DNAI3: variants seen among roughly 807,000 people sequenced by gnomAD.
DNAI3 encodes the protein WD repeat domain 63.
A neutral mutation model predicts 115.5 loss-of-function variants in DNAI3; 83 were observed. That is an observed-to-expected ratio of 0.72 (90% CI 0.60 to 0.86). DNAI3 has a LOEUF of 0.86. Ranked by LOEUF, DNAI3 falls within the 40% of genes least tolerant of loss-of-function variation. The pLI is 0.00. For synonymous variants in DNAI3, 320 were observed against 347.0 expected, an observed-to-expected ratio of 0.92 and a Z score of 0.86; for missense variants, 1,004 against 1,075.8, an observed-to-expected ratio of 0.93 and a Z score of 0.93.
At position 85,104,600 on chromosome 1, in the gene DNAI3, A is replaced by G; in HGVS notation, c.1553+3A>G. 6.2e-7 allele frequency: 1 copy of G among 1,613,302 alleles called. No individual in the cohort carries two copies. The highest frequency in any genetic ancestry group is 8.5e-7 in the Non-Finnish European group (1 of 1,179,450). ...CTTGTCACATGTTCAGCAGATTGGT[A>G]AGTCTTGTTTCAAACATTTCCTAAT... On this transcript the variant is annotated splice_donor_region_variant and intron_variant, in intron 14 of 22. Transcript: ENST00000294664.
intron 14 of DNAI3, among the ~76,000 whole-genome samples, chr1:85,106,068 A>G (rs1008731653): frequency 6.6e-6 from 1 of 152,112 alleles, no homozygotes; most frequent in African/African-American, 2.4e-5. Context: ...TGAACCCAGG[A>G]GGCGGAGGTT....
rs1246138892 is a variant in DNAI3, at chr1:85,124,216, G to A, written c.2077G>A (p.Gly693Ser). ...CAACGACATTATTCTCACGGTTGGA[G>A]GTTGGAACGTGGCCATATGGAAAGA... ...FYNDIILTVG[G>S]WNVAIWKEGV... The change falls in exon 19 of 23, where the codon GGT becomes AGT. Residue 693 changes from glycine to serine, a missense_variant. Coordinates refer to ENST00000294664, the MANE Select transcript of DNAI3 (RefSeq NM_145172.5). 1.2e-6 allele frequency: 2 copies of A among 1,613,104 alleles called. No homozygotes were observed. The highest frequency in any genetic ancestry group is 2.2e-5 in the East Asian group (1 of 44,806).
At chr1:85,063,256 A>C (rs566257374) in intron 1 of DNAI3, among the ~76,000 whole-genome samples, 11 of 147,294 alleles carry the variant, frequency 7.5e-5, no homozygotes, top group African/African-American at 2.7e-4. Context: ...TTGGGGGAAA[A>C]GTTCATAATT....
At chr1:85,073,765 T>A (rs1026241244) in intron 3 of DNAI3, among the ~76,000 whole-genome samples, 1 of 152,210 alleles carries the variant, frequency 6.6e-6, no homozygotes, top group Non-Finnish European at 1.5e-5. Context: ...CCATCTGACA[T>A]GTTTTTAAAG....
chr1:85,094,089 G>A (rs979793356), intron 9 of DNAI3: 1 of 406,362 alleles, frequency 2.5e-6, no homozygotes, highest in Non-Finnish European at 4.7e-6. Flanking sequence ...AACATGGAAA[G>A]AGAGAGGTAT....
chr1:85,078,823 T>C (rs1654541319), intron 3 of DNAI3, among the ~76,000 whole-genome samples: 1 of 152,260 alleles, frequency 6.6e-6, no homozygotes, highest in Non-Finnish European at 1.5e-5. Context: ...AACAGTCCAC[T>C]AGTTTTACTG....
chr1:85,119,689 T>C (rs1000243096), intron 17 of DNAI3, among the ~76,000 whole-genome samples: 1 of 151,938 alleles, frequency 6.6e-6, no homozygotes, highest in African/African-American at 2.4e-5. Context: ...CTCTGTTTTT[T>C]CCTTTTTTCT....
At chr1:85,068,252 G>T (rs1654158008) in intron 1 of DNAI3, among the ~76,000 whole-genome samples, 1 of 152,020 alleles carries the variant, frequency 6.6e-6, no homozygotes, top group African/African-American at 2.4e-5. Flanking sequence ...TATACCTTCA[G>T]TTGAACTCCT....
At chr1:85,096,524 T>TTA (rs5775818) in intron 11 of DNAI3, among the ~76,000 whole-genome samples, 1 of 102,498 alleles carries the variant, frequency 9.8e-6, no homozygotes, top group African/African-American at 4.7e-5. Flanking sequence ...TATATAAAGA[T>TTA]TATATATATA....
At chr1:85,072,954 CA>C (rs35956778) in intron 2 of DNAI3, 99 bp from the exon 3 acceptor site, 10,186 of 403,238 alleles carry the variant, frequency 0.025, 3 homozygotes, top group Middle Eastern at 0.049. Context: ...GACTCCGTCT[CA>C]AAAAAAAAAA....
At chr1:85,063,325 G>A in intron 1 of DNAI3, among the ~76,000 whole-genome samples, 1 of 152,084 alleles carries the variant, frequency 6.6e-6, no homozygotes, top group African/African-American at 2.4e-5. Flanking sequence ...GTGTGGACCA[G>A]GAGCAGCAGG....
rs757372455 is a variant in DNAI3, at chr1:85,130,026, A to C, written c.2446A>C (p.Lys816Gln). The C allele has an allele frequency of 1.2e-6, 2 of 1,613,462 alleles. No individual in the cohort carries two copies. Among genetic ancestry groups the C allele is most frequent in the Admixed American group, 3.3e-5 (2 of 59,958 alleles). The change falls in exon 22 of 23, where the codon AAG becomes CAG. Residue 816 changes from lysine to glutamine, a missense_variant. By Grantham distance (53) the Lys-to-Gln change is moderately conservative. Transcript: ENST00000294664. The part of the protein sequence containing the change: ...SVNHYFEREV[K>Q]HLEYVEQRKK... ...CAACCACTATTTTGAAAGAGAAGTC[A>C]AGCATCTGGAATACGTAGAACAGCG...
Position 85,126,548 on chromosome 1 carries a change from G to C in DNAI3, c.2150G>C (p.Arg717Thr), listed in dbSNP as rs780164193. 2 of 1,614,004 alleles carry C rather than the reference G, an allele frequency of 1.2e-6. No homozygotes were observed. Among genetic ancestry groups the C allele is most frequent in the South Asian group, 1.1e-5 (1 of 91,078 alleles). Reference protein sequence around the residue: ...PLLQSCCAPKRYTSGHWSLTR... With the variant: ...PLLQSCCAPKTYTSGHWSLTR... ...CTTCAGTCATGCTGTGCACCAAAAAGGTACACCTCAGGCCACTGGTCCCTG... is the reference window on the plus strand; with the variant it reads ...CTTCAGTCATGCTGTGCACCAAAAACGTACACCTCAGGCCACTGGTCCCTG... Residue 717 changes from arginine to threonine, a missense_variant, in exon 20 of 23, where the codon AGG (arginine) becomes ACG (threonine). By Grantham distance (71) the Arg-to-Thr change is moderately conservative. Coordinates refer to ENST00000294664, the MANE Select transcript of DNAI3 (RefSeq NM_145172.5).
intron 18 of DNAI3, among the ~76,000 whole-genome samples, chr1:85,123,559 T>C (rs1355245336): frequency 6.6e-6 from 1 of 152,236 alleles, no homozygotes; most frequent in Non-Finnish European, 1.5e-5. Flanking sequence ...AATCTTCCCA[T>C]GTTGAGCTGC....
intron 10 of DNAI3, 110 bp downstream of exon 10, chr1:85,094,665 AT>A: frequency 7.5e-7 from 1 of 1,334,470 alleles, no homozygotes; most frequent in Non-Finnish European, 1.0e-6. Flanking sequence ...TGTTGTAAAC[AT>A]TTATAAAGTT....
intron 1 of DNAI3, among the ~76,000 whole-genome samples, chr1:85,070,689 C>G (rs908546002): frequency 2.0e-5 from 3 of 152,106 alleles, no homozygotes; most frequent in African/African-American, 7.2e-5. Context: ...CTGATTTGAC[C>G]ATTATACATT....
rs1325695311 is a variant in DNAI3, at chr1:85,130,003, A to G, written c.2423A>G (p.Asn808Ser). The change falls in exon 22 of 23, where the codon AAC becomes AGC. Residue 808 changes from asparagine to serine, a missense_variant. Transcript: ENST00000294664. ...TGTTTCTAACAGATGGCAAGTGTCA[A>G]CCACTATTTTGAAAGAGAAGTCAAG... ...RPSTNEMASV[N>S]HYFEREVKHL... is the part of the protein sequence containing the mutation. The G allele has an allele frequency of 6.2e-7, 1 of 1,612,640 alleles. No homozygotes were observed. The highest frequency in any genetic ancestry group is 8.5e-7 in the Non-Finnish European group (1 of 1,179,536).
At chr1:85,132,045 GA>G (rs1372475429) in intron 22 of DNAI3, among the ~76,000 whole-genome samples, 4 of 152,132 alleles carry the variant, frequency 2.6e-5, no homozygotes, top group African/African-American at 9.7e-5. Flanking sequence ...GAATGAATTT[GA>G]AAGGGTTCCT....
chr1:85,077,888 G>A (rs1654510901), intron 3 of DNAI3, among the ~76,000 whole-genome samples: 1 of 150,664 alleles, frequency 6.6e-6, no homozygotes, highest in African/African-American at 2.4e-5. Flanking sequence ...AAAAAAAAAA[G>A]AATGTACAAT....
Sources: gnomAD v4.1 joint callset for allele counts (sites outside exome capture counted in the v4.1 genomes callset) on GRCh38, gnomAD v4.1.1 for gene constraint, MANE v1.5 for transcripts, NCBI Gene and HGNC (gene_info 2026-07-23, HGNC 2026-07-21) for gene names.